The following TBL1XR1 variants were observed in gnomAD, a reference collection of about 807,000 sequenced individuals.
TBL1XR1 encodes TBL1X/Y related 1.
A neutral mutation model predicts 66.9 loss-of-function variants in TBL1XR1; 5 were observed. That is an observed-to-expected ratio of 0.07 (90% CI 0.04 to 0.16). The LOEUF (loss-of-function observed/expected upper bound fraction) is 0.16. Among genes scored for constraint, TBL1XR1 ranks in the 10% least tolerant of loss-of-function variants. The probability of loss-of-function intolerance (pLI) is 1.00; values close to 1 mark genes in which losing one functional copy is unlikely to be tolerated. For missense variants in TBL1XR1, 238 were observed against 623.2 expected (o/e 0.38, Z 6.58); for synonymous variants, 210 against 206.0 (o/e 1.02, Z -0.17).
At chr3:177,047,864 G>A in intron 7 of TBL1XR1, 1 of 288,358 alleles carries the variant, frequency 3.5e-6, no homozygotes. Flanking sequence ...AAGAATGAAG[G>A]TAGAGTGGTG....
rs61750379 is a variant in TBL1XR1 at position 177,051,640 on chromosome 3, T to C, written c.291A>G (p.Gln97=). 10,964 of 1,613,684 alleles carry C rather than the reference T, an allele frequency of 6.8e-3. 63 individuals are homozygous for C. The highest frequency in any genetic ancestry group is 8.3e-3 in the Non-Finnish European group (9,831 of 1,179,760). The change falls in exon 5 of 16, where the codon CAA becomes CAG. Residue 97 remains glutamine, a synonymous_variant. Transcript: ENST00000457928. ...VMPDVVQTRQ[Q]AYRDKLAQQQ... is the part of the protein sequence containing the mutation. The stretch of plus-strand genomic sequence containing the variant: ...GCTGTGCAAGCTTATCTCTATAAGC[T>C]TGTTGTCTTGTTTGTACTACATCAG...
At chr3:177,064,364 CTGTTT>C (rs1460318160) in intron 3 of TBL1XR1, among the ~76,000 whole-genome samples, 1 of 152,134 alleles carries the variant, frequency 6.6e-6, no homozygotes, top group African/African-American at 2.4e-5. Flanking sequence ...AGTATTCCTT[CTGTTT>C]TATCTATCAA....
upstream of TBL1XR1, among the ~76,000 whole-genome samples, chr3:177,199,165 A>G (rs1219548199): frequency 1.3e-5 from 2 of 152,146 alleles, no homozygotes; most frequent in East Asian, 1.9e-4. Context: ...AGCTATTTTC[A>G]TGTATGAAAG....
At chr3:177,143,572 G>T (rs747427190) in intron 1 of TBL1XR1, among the ~76,000 whole-genome samples, 2 of 152,136 alleles carry the variant, frequency 1.3e-5, no homozygotes, top group African/African-American at 4.8e-5. Context: ...TTTGTTATGT[G>T]TGAAAAGCAC....
At chr3:177,114,435 G>A (rs1239197283) in intron 1 of TBL1XR1, among the ~76,000 whole-genome samples, 1 of 151,970 alleles carries the variant, frequency 6.6e-6, no homozygotes, top group South Asian at 2.1e-4. Context: ...TCTTGACTCA[G>A]CCTCCCAAGT....
chr3:177,170,878 T>A (rs1733382141), intron 1 of TBL1XR1, among the ~76,000 whole-genome samples: 1 of 152,042 alleles, frequency 6.6e-6, no homozygotes, highest in South Asian at 2.1e-4. Flanking sequence ...GTGCTGGGAT[T>A]GCAGGCATGA....
At chr3:177,099,984 G>C (rs557261353) in intron 1 of TBL1XR1, among the ~76,000 whole-genome samples, 23 of 152,362 alleles carry the variant, frequency 1.5e-4, no homozygotes, top group African/African-American at 5.0e-4. Context: ...ACTCATGCCT[G>C]TAATCCCAGC....
chr3:177,088,966 G>A (rs1156434260), intron 2 of TBL1XR1, among the ~76,000 whole-genome samples: 2 of 152,154 alleles, frequency 1.3e-5, no homozygotes, highest in African/African-American at 4.8e-5. Context: ...ATTTATGGAT[G>A]CTACATTTAT....
At chr3:177,193,818 C>G (rs1231915575) in intron 1 of TBL1XR1, among the ~76,000 whole-genome samples, 1 of 152,218 alleles carries the variant, frequency 6.6e-6, no homozygotes, top group Non-Finnish European at 1.5e-5. Flanking sequence ...ATTCAGTCAT[C>G]TAAGACAGAC....
chr3:177,118,735 AT>A (rs1197218268), intron 1 of TBL1XR1, among the ~76,000 whole-genome samples: 1 of 152,188 alleles, frequency 6.6e-6, no homozygotes, highest in African/African-American at 2.4e-5. Context: ...TGAAGTTTGT[AT>A]TTTAATGGGG....
intron 1 of TBL1XR1, among the ~76,000 whole-genome samples, chr3:177,187,942 C>CTT (rs1560280218): frequency 1.5e-5 from 2 of 129,256 alleles, no homozygotes; most frequent in African/African-American, 7.3e-5. Context: ...AGTACAATTT[C>CTT]CTTTTTTTTT....
intron 1 of TBL1XR1, among the ~76,000 whole-genome samples, chr3:177,103,065 A>G (rs1724424304): frequency 6.6e-6 from 1 of 152,264 alleles, no homozygotes; most frequent in South Asian, 2.1e-4. Flanking sequence ...AGAAATAGAT[A>G]TAAACATATT....
chr3:177,071,640 C>T (rs1177941119), intron 2 of TBL1XR1, among the ~76,000 whole-genome samples: 1 of 152,154 alleles, frequency 6.6e-6, no homozygotes, highest in African/African-American at 2.4e-5. Flanking sequence ...CCATCCCCCA[C>T]AGGGCAATAA....
At chr3:177,066,704 G>C (rs147797433) in intron 2 of TBL1XR1, among the ~76,000 whole-genome samples, 1 of 152,100 alleles carries the variant, frequency 6.6e-6, no homozygotes, top group Non-Finnish European at 1.5e-5. Flanking sequence ...TGTCACAGAG[G>C]AACACTGGGG....
At chr3:177,079,368 G>A (rs1289498638) in intron 2 of TBL1XR1, 2 of 151,232 alleles carry the variant, frequency 1.3e-5, no homozygotes, top group African/African-American at 4.9e-5. Context: ...GGGAGGTGGA[G>A]CTTGCAGTGA....
chr3:177,049,467 T>C (rs560940537), intron 7 of TBL1XR1, among the ~76,000 whole-genome samples: 1 of 152,298 alleles, frequency 6.6e-6, no homozygotes, highest in African/African-American at 2.4e-5. Context: ...AATCAGAGAA[T>C]TACAAGATTC....
intron 2 of TBL1XR1, among the ~76,000 whole-genome samples, chr3:177,088,098 T>C (rs1722375864): frequency 1.3e-5 from 2 of 152,188 alleles, no homozygotes; most frequent in South Asian, 2.1e-4. Flanking sequence ...TGAGAATTTA[T>C]AGAAAGGACA....
At chr3:177,130,258 C>T (rs1728142082) in intron 1 of TBL1XR1, among the ~76,000 whole-genome samples, 1 of 151,948 alleles carries the variant, frequency 6.6e-6, no homozygotes, top group Admixed American at 6.6e-5. Context: ...CGTTTGCACA[C>T]ATGCAAAATA....
At chr3:177,137,198 A>AAAG (rs1417247273) in intron 1 of TBL1XR1, among the ~76,000 whole-genome samples, 1 of 152,258 alleles carries the variant, frequency 6.6e-6, no homozygotes, top group Non-Finnish European at 1.5e-5. Flanking sequence ...TACCTTAGAG[A>AAAG]AAGACATGGC....
Sources: allele counts gnomAD v4.1 joint callset (sites outside exome capture counted in the v4.1 genomes callset), GRCh38; gene constraint gnomAD v4.1.1; transcripts MANE v1.5; gene names NCBI Gene and HGNC (gene_info 2026-07-23, HGNC 2026-07-21).